POLR2F: variants seen among roughly 807,000 people sequenced by gnomAD.
POLR2F encodes DNA-directed RNA polymerases I, II, and III subunit RPABC2.
In POLR2F, 12 loss-of-function variants were observed where a neutral mutation model predicts 22.7. That is an observed-to-expected ratio of 0.53 (90% confidence interval 0.34 to 0.86). The LOEUF (loss-of-function observed/expected upper bound fraction) is 0.86. Ranked by LOEUF, POLR2F falls within the 40% of genes least tolerant of loss-of-function variation. The probability of loss-of-function intolerance (pLI) is 0.02; values close to 1 mark genes in which losing one functional copy is unlikely to be tolerated. For missense variants in POLR2F, 126 were observed against 171.5 expected, an observed-to-expected ratio of 0.73 and a Z score of 1.48; for synonymous variants, 57 against 66.0, an observed-to-expected ratio of 0.86 and a Z score of 0.66.
At chr22:38,000,214 G>C (rs1028781991) in intron 1 of POLR2F, among the ~76,000 whole-genome samples, 7 of 152,204 alleles carry the variant, frequency 4.6e-5, no homozygotes, top group Non-Finnish European at 7.4e-5. Context: ...GCGCCCCCAC[G>C]GTAGACTCTG....
At chr22:38,025,283 AAC>A (rs2084996764) in intron 1 of POLR2F, among the ~76,000 whole-genome samples, 1 of 151,914 alleles carries the variant, frequency 6.6e-6, no homozygotes, top group East Asian at 1.9e-4. Context: ...ACAACACACA[AAC>A]ACACACAGAT....
chr22:38,023,839 ATTT>A (rs56162997), intron 1 of POLR2F, among the ~76,000 whole-genome samples: 76 of 115,372 alleles, frequency 6.6e-4, no homozygotes, highest in African/African-American at 1.9e-3. Flanking sequence ...CGCCTGGCTA[ATTT>A]TTTTTTTTTT....
intron 1 of POLR2F, among the ~76,000 whole-genome samples, chr22:37,956,318 C>T: frequency 6.6e-6 from 1 of 152,076 alleles, no homozygotes; most frequent in Admixed American, 6.6e-5. Context: ...CCTTGAACTC[C>T]ACCCGCCTTG....
In POLR2F at chr22:37,968,517, C is replaced by T; in HGVS notation, c.*802C>T. The T allele has an allele frequency of 2.0e-6, 2 of 985,768 alleles. No homozygotes were observed. Among genetic ancestry groups the T allele is most frequent in the Non-Finnish European group, 2.4e-6 (2 of 830,210 alleles). The allele number at this position is 985,768 out of a possible 1,614,324, so 61.1% of individuals were successfully genotyped here. A position where few individuals can be genotyped will look rare whatever the true frequency, so the allele number is the denominator to read the frequency against. ...CTGGGGTGGTGGTGCTCCTGGGTTC[C>T]AGGTGTTACATTAAGTCAGAGCTGG... On this transcript the variant is annotated 3_prime_UTR_variant, in exon 5 of 5. Transcript: ENST00000442738.
At chr22:37,994,090 G>T (rs927336405) in intron 1 of POLR2F, among the ~76,000 whole-genome samples, 3 of 152,162 alleles carry the variant, frequency 2.0e-5, no homozygotes, top group African/African-American at 7.2e-5. Context: ...TTAATGCCCC[G>T]CATTTTCCAG....
At chr22:37,983,561 G>T, upstream of POLR2F, 1 of 1,610,354 alleles carries the variant, frequency 6.2e-7, no homozygotes. This position sits in a 1 kb window ranked among gnomAD's most constrained non-coding sequence, Gnocchi z 9.5. Flanking sequence ...CTGGCTGACG[G>T]CCTCGCGGAT....
Position 38,013,376 on chromosome 22 carries a change from C to A in POLR2F, c.121-12493C>A, listed in dbSNP as rs145533483. Among the ~76,000 whole-genome samples the A allele has an allele frequency of 9.6e-3, 1,467 of 152,286 alleles. 27 individuals are homozygous for A. The highest frequency in any genetic ancestry group is 0.034 in the African/African-American group (1,420 of 41,542). Reference sequence around the variant, plus strand: ...GGCCAGGCTGATCTCGAACTCCTGACCTCAGGTGATCCACCCACCTTGGCC... The same window carrying A: ...GGCCAGGCTGATCTCGAACTCCTGAACTCAGGTGATCCACCCACCTTGGCC... On this transcript the variant is annotated intron_variant, in intron 1 of 2. Coordinates refer to the POLR2F transcript ENST00000333418.
upstream of POLR2F, chr22:37,983,778 C>A (rs1932482365): frequency 2.1e-6 from 3 of 1,450,900 alleles, no homozygotes; most frequent in Non-Finnish European, 2.7e-6. This position sits in a 1 kb window ranked among gnomAD's most constrained non-coding sequence, Gnocchi z 9.5. Flanking sequence ...TCCTGCTCCT[C>A]CGCCATGTCG....
At position 37,978,147 on chromosome 22, in the gene POLR2F, T is replaced by C. The variant is rs753723642; in HGVS notation, c.293+10977T>C. ...TTTCGTTCAGCAGCCTGGGGTGTGGTGGGAGGCGGAGAGGACAGCAGAGGG... is the reference window on the plus strand; with the variant it reads ...TTTCGTTCAGCAGCCTGGGGTGTGGCGGGAGGCGGAGAGGACAGCAGAGGG... On this transcript the variant is annotated intron_variant, in intron 4 of 4. Transcript: ENST00000405557. The surrounding 1 kb of genome is among the most constrained non-coding windows in gnomAD (Gnocchi z 5.0). The C allele has an allele frequency of 1.2e-4, 179 of 1,544,854 alleles. 2 individuals are homozygous for C. In the South Asian group the frequency reaches 2.0e-3, roughly 18 times the overall value.
In POLR2F at chr22:37,997,504, C is replaced by T. The variant is rs2084726498; in HGVS notation, c.120+11192C>T. Among the ~76,000 whole-genome samples the T allele has an allele frequency of 6.6e-6, 1 of 152,142 alleles. No individual in the cohort carries two copies. Among genetic ancestry groups the T allele is most frequent in the Admixed American group, 6.5e-5 (1 of 15,278 alleles). ...TCCCTCCCTCCATGAATTTCTCTGT[C>T]TCTGTCCTGTGCCACCTCTCATCTG... On this transcript the variant is annotated intron_variant, in intron 1 of 2. Transcript: ENST00000333418. The surrounding 1 kb of genome is among the most constrained non-coding windows in gnomAD (Gnocchi z 4.4).
intron 5 of POLR2F, among the ~76,000 whole-genome samples, chr22:38,035,454 G>T (rs764879392): frequency 1.3e-5 from 2 of 152,218 alleles, no homozygotes; most frequent in Non-Finnish European, 2.9e-5. Flanking sequence ...ATCAGGGGTC[G>T]CTCTCTTCCC....
intron 3 of POLR2F, among the ~76,000 whole-genome samples, chr22:37,963,725 A>C (rs570131775): frequency 6.6e-6 from 1 of 152,342 alleles, no homozygotes; most frequent in Non-Finnish European, 1.5e-5. Flanking sequence ...AAACAAATAG[A>C]CTGCTTATTT....
chr22:37,983,647 C>G, upstream of POLR2F: 1 of 1,596,648 alleles, frequency 6.3e-7, no homozygotes. The surrounding 1 kb of genome is among the most constrained non-coding windows in gnomAD (Gnocchi z 9.5). Flanking sequence ...CGCCTGGCCC[C>G]GGGCTGGCTC....
At chr22:37,963,398 T>C (rs1931728076) in intron 3 of POLR2F, among the ~76,000 whole-genome samples, 1 of 152,184 alleles carries the variant, frequency 6.6e-6, no homozygotes, top group South Asian at 2.1e-4. Flanking sequence ...TAAGTGATCT[T>C]CCCACTTCAG....
At chr22:38,030,257 C>T (rs2085052122), downstream of POLR2F, among the ~76,000 whole-genome samples, 3 of 152,296 alleles carry the variant, frequency 2.0e-5, no homozygotes, top group South Asian at 6.2e-4. Flanking sequence ...AACCCACAAG[C>T]CCCCTGGGGA....
intron 4 of POLR2F, among the ~76,000 whole-genome samples, chr22:37,979,555 C>T (rs561955680): frequency 1.1e-3 from 162 of 152,070 alleles, no homozygotes; most frequent in African/African-American, 3.7e-3. Context: ...GTGGGGGGTA[C>T]TGCCTCCTGT....
At chr22:37,990,525 G>C (rs1932703694) in intron 1 of POLR2F, among the ~76,000 whole-genome samples, 1 of 152,288 alleles carries the variant, frequency 6.6e-6, no homozygotes, top group Non-Finnish European at 1.5e-5. Context: ...GAACTTCTGT[G>C]AATGTGTCCT....
chr22:38,003,336 C>T (rs545731217), intron 1 of POLR2F, among the ~76,000 whole-genome samples: 26 of 152,266 alleles, frequency 1.7e-4, no homozygotes, highest in African/African-American at 5.3e-4. Context: ...GAGCGATTCT[C>T]CCGCCTCAGC....
rs549711811 is a variant in POLR2F at position 38,017,952 on chromosome 22, T to C, written c.121-7917T>C. Among the ~76,000 whole-genome samples, 1 of 152,334 alleles carries C rather than the reference T, an allele frequency of 6.6e-6. No individual in the cohort carries two copies. The highest frequency in any genetic ancestry group is 2.1e-4 in the South Asian group (1 of 4,832). On this transcript the variant is annotated intron_variant, in intron 1 of 2. Transcript: ENST00000333418. This position sits in a 1 kb window ranked among gnomAD's most constrained non-coding sequence, Gnocchi z 4.1. ...TGATTGTCCCTGCCCTCCTGCCACATAACAGAGGCTATAATGTGGGCCCTA... is the reference window on the plus strand; with the variant it reads ...TGATTGTCCCTGCCCTCCTGCCACACAACAGAGGCTATAATGTGGGCCCTA...
Sources: gnomAD v4.1 joint callset for allele counts (sites outside exome capture counted in the v4.1 genomes callset) on GRCh38, gnomAD v4.1.1 for gene constraint, Gnocchi (gnomAD v3.1) non-coding constraint, MANE v1.5 for transcripts, NCBI Gene and HGNC (gene_info 2026-07-23, HGNC 2026-07-21) for gene names.